The following MICALL2 variants were observed in gnomAD, a reference collection of about 807,000 sequenced individuals.
The protein encoded by MICALL2 is MICAL like 2.
In MICALL2, 111 loss-of-function variants were observed where a neutral mutation model predicts 91.1. The ratio of observed to expected loss-of-function variants is 1.22; its 90% CI spans 1.04 to 1.43. MICALL2 has a LOEUF of 1.43. Among genes scored for constraint, MICALL2 ranks in the 40% most tolerant of loss-of-function variants. The pLI, the probability that MICALL2 is intolerant of heterozygous loss-of-function variation, is 0.00. For missense variants in MICALL2, 1,556 were observed against 1,236.0 expected (o/e 1.26, Z -3.88); for synonymous variants, 694 against 525.3 (o/e 1.32, Z -4.39).
rs375493412 is a variant in MICALL2, at chr7:1,439,635, A to G, written c.1966+290T>C. 8 of 350,840 alleles carry G rather than the reference A, an allele frequency of 2.3e-5. No individual in the cohort carries two copies. The South Asian group carries it at 4.2e-4, about 18-fold the overall frequency. 21.7% of individuals were successfully genotyped at this position (350,840 alleles called of 1,614,324 possible). A position where few individuals can be genotyped will look rare whatever the true frequency, so the allele number is the denominator to read the frequency against. ...ATCACATACATGAACAGACACATGG[A>G]CATGCATCACGTGCACATGCATCAC... On this transcript the variant is annotated intron_variant, in intron 9 of 16. Transcript: ENST00000297508.
intron 4 of MICALL2, among the ~76,000 whole-genome samples, chr7:1,447,282 C>T (rs1780642189): frequency 6.6e-6 from 1 of 152,180 alleles, no homozygotes; most frequent in South Asian, 2.1e-4. Context: ...CAGGGCATAG[C>T]CCAGCAACCC....
rs1432493787 is a variant in MICALL2, at chr7:1,434,610, T to C, written c.2701A>G (p.Ser901Gly). The C allele has an allele frequency of 1.3e-6, 2 of 1,591,404 alleles. No individual in the cohort carries two copies. Among genetic ancestry groups the C allele is most frequent in the Admixed American group, 1.9e-5 (1 of 52,544 alleles). ...CCTACTGGCTACTACTGGGAGGGGC[T>C]GCTTTTGCTTTTTGGTGACCAGATC... The part of the protein sequence containing the change: ...SKIWSPKSKS[S>G]PSQ The change falls in exon 17 of 17, where the codon AGC (serine) becomes GGC (glycine). Residue 901 changes from serine to glycine, a missense_variant. By Grantham distance (56) the Ser-to-Gly change is moderately conservative. Transcript: ENST00000297508.
rs543228425 is a variant in MICALL2, at chr7:1,439,547, C to T, written c.1966+378G>A. On this transcript the variant is annotated intron_variant, in intron 9 of 16. Transcript: ENST00000297508. Reference sequence around the variant, plus strand: ...AACACAGACACATGGACACGCATCACACATGTACACATGCATCACACGCAT... The same window carrying T: ...AACACAGACACATGGACACGCATCATACATGTACACATGCATCACACGCAT... 3.0e-4 allele frequency: 61 copies of T among 202,548 alleles called. No homozygotes were observed. The South Asian group carries it at 8.9e-3, about 30-fold the overall frequency. The allele number at this position is 202,548 out of a possible 1,614,324, so 12.5% of individuals were successfully genotyped here.
At chr7:1,439,815 C>A in intron 9 of MICALL2, 110 bp downstream of exon 9, 1 of 954,406 alleles carries the variant, frequency 1.0e-6, no homozygotes, top group Non-Finnish European at 1.4e-6. Flanking sequence ...ACCGGAGCGC[C>A]TCTCCGCACA....
At chr7:1,457,871 G>T (rs1325663590) in intron 1 of MICALL2, among the ~76,000 whole-genome samples, 1 of 152,262 alleles carries the variant, frequency 6.6e-6, no homozygotes, top group Non-Finnish European at 1.5e-5. Flanking sequence ...CGGGGGTGGG[G>T]TCTCGCCTGC....
Position 1,448,773 on chromosome 7 carries a change from G to A in MICALL2, c.193-12C>T, listed in dbSNP as rs776872193. 1.9e-6 allele frequency: 3 copies of A among 1,612,070 alleles called. No homozygotes were observed. Among genetic ancestry groups the A allele is most frequent in the Non-Finnish European group, 1.7e-6 (2 of 1,179,612 alleles). ...GCCACGCGGAAGGCCTGCGAAAGGT[G>A]GGAGGGGGTCAGCGGGGCAGCTGGG... On this transcript the variant is annotated splice_polypyrimidine_tract_variant and intron_variant, in intron 2 of 16. Coordinates refer to ENST00000297508, the MANE Select transcript of MICALL2 (RefSeq NM_182924.4).
chr7:1,434,798 C>A (rs1779885236), intron 16 of MICALL2, 126 bp from the exon 17 acceptor site: 2 of 1,038,940 alleles, frequency 1.9e-6, no homozygotes, highest in African/African-American at 1.6e-5. Context: ...GGCCTCCGAG[C>A]CTGCAGGAAG....
At chr7:1,438,005 AG>A (rs778691695) in intron 12 of MICALL2, 25 bp from the exon 13 acceptor site, 2 of 1,550,014 alleles carry the variant, frequency 1.3e-6, no homozygotes, top group Non-Finnish European at 1.7e-6. Context: ...CAGCTGGGGC[AG>A]GGGGGCCCGC....
At position 1,452,674 on chromosome 7, in the gene MICALL2, G is replaced by T. The variant is rs1463460810; in HGVS notation, c.144-2386C>A. Among the ~76,000 whole-genome samples the T allele has an allele frequency of 6.6e-6, 1 of 152,128 alleles. No homozygotes were observed. The highest frequency in any genetic ancestry group is 2.4e-5 in the African/African-American group (1 of 41,432). Reference sequence around the variant, plus strand: ...TCCCTGCAGGGCCATCTCACCCCCAGACCCACAGTCAGGCTCTCAGAGCTC... The same window carrying T: ...TCCCTGCAGGGCCATCTCACCCCCATACCCACAGTCAGGCTCTCAGAGCTC... On this transcript the variant is annotated intron_variant, in intron 1 of 16. Coordinates refer to ENST00000297508, the MANE Select transcript of MICALL2 (RefSeq NM_182924.4). This position sits in a 1 kb window ranked among gnomAD's most constrained non-coding sequence, Gnocchi z 6.2.
intron 14 of MICALL2, 198 bp from the exon 15 acceptor site, chr7:1,437,054 T>C: frequency 2.0e-6 from 1 of 502,058 alleles, no homozygotes; most frequent in Non-Finnish European, 3.5e-6. Context: ...TGTGCTGGGA[T>C]CCTTCCCCAT....
intron 15 of MICALL2, among the ~76,000 whole-genome samples, 163 bp from the exon 16 acceptor site, chr7:1,435,310 C>T (rs560169011): frequency 1.3e-5 from 2 of 152,380 alleles, no homozygotes; most frequent in South Asian, 2.1e-4. Context: ...ACCCTGCCCC[C>T]ACCAATGCCA....
In MICALL2 at chr7:1,438,200, G is replaced by A. The variant is rs778203110; in HGVS notation, c.2208C>T (p.Ser736=). 16 of 1,583,286 alleles carry A rather than the reference G, an allele frequency of 1.0e-5. No homozygotes were observed. Among genetic ancestry groups the A allele is most frequent in the Middle Eastern group, 1.7e-4 (1 of 5,990 alleles). The stretch of plus-strand genomic sequence containing the variant: ...GCAGCTGCCTCTGTATCTCCTCCGG[G>A]GAGAGGTAGTCGGGGTGCAGCTGGG... ...SPVRLHPDYL[S]PEEIQRQLQD... The change falls in exon 12 of 17, where the codon TCC becomes TCT. Residue 736 remains serine (S), a synonymous_variant. Transcript: ENST00000297508.
chr7:1,458,856 G>C (rs940488188), intron 1 of MICALL2, among the ~76,000 whole-genome samples: 5 of 152,254 alleles, frequency 3.3e-5, no homozygotes, highest in Non-Finnish European at 7.3e-5. Flanking sequence ...GGCAGTGAGA[G>C]CCTCGGAGGG....
At chr7:1,438,696 C>A in intron 10 of MICALL2, 144 bp downstream of exon 10, 1 of 1,475,268 alleles carries the variant, frequency 6.8e-7, no homozygotes, top group Non-Finnish European at 8.9e-7. Flanking sequence ...GGGCCTGGGG[C>A]ACGGGGCTGG....
intron 6 of MICALL2, 112 bp downstream of exon 6, chr7:1,444,540 C>T (rs1379981596): frequency 5.5e-6 from 6 of 1,096,612 alleles, no homozygotes; most frequent in Non-Finnish European, 6.4e-6. Flanking sequence ...GTGCAGTCCC[C>T]AAGGCCACAC....
In MICALL2 at chr7:1,438,105, G is replaced by T. The variant is rs1212006734; in HGVS notation, c.2303C>A (p.Ala768Asp). The T allele has an allele frequency of 3.2e-6, 5 of 1,565,700 alleles. No homozygotes were observed. The highest frequency in any genetic ancestry group is 4.3e-6 in the Non-Finnish European group (5 of 1,156,268). Reference protein sequence around the residue: ...GVELEKRLRAAEGDDAEDSLM... With the variant: ...GVELEKRLRADEGDDAEDSLM... ...CAGGCCGAGGCGCTCACCTCCCTCGGCCGCCCGCAGTCGCTTCTCCAGCTC... is the reference window on the plus strand; with the variant it reads ...CAGGCCGAGGCGCTCACCTCCCTCGTCCGCCCGCAGTCGCTTCTCCAGCTC... Residue 768 changes from alanine (A) to aspartate (D), a missense_variant, in exon 12 of 17, where the codon GCC becomes GAC. Transcript: ENST00000297508.
rs537082793 is a variant in MICALL2, at chr7:1,456,415, G to A, written c.143+2769C>T. Among the ~76,000 whole-genome samples, 132 of 152,064 alleles carry A rather than the reference G, an allele frequency of 8.7e-4. 2 individuals are homozygous for A. The South Asian group carries it at 0.025, about 29-fold the overall frequency. On this transcript the variant is annotated intron_variant, in intron 1 of 16. Coordinates refer to ENST00000297508, the MANE Select transcript of MICALL2 (RefSeq NM_182924.4). ...AGCCTGGCCAACATGGCAAAACCCC[G>A]TCTCTAGAAAAAATATGAAAATCGG...
intron 16 of MICALL2, 116 bp downstream of exon 16, chr7:1,434,985 G>GCCCCCCCCCCCCCCCCCCCCCCCCCCCC: frequency 7.8e-6 from 2 of 255,664 alleles, no homozygotes; most frequent in Non-Finnish European, 1.5e-5. Context: ...CCCGATACCC[G>GCCCCCCCCCCCCCCCCCCCCCCCCCCCC]CCCCCCCCCC....
In MICALL2 at chr7:1,436,741, C is replaced by T; in HGVS notation, c.2591+1G>A. 6.2e-7 allele frequency: 1 copy of T among 1,601,740 alleles called. No individual in the cohort carries two copies. The highest frequency in any genetic ancestry group is 8.5e-7 in the Non-Finnish European group (1 of 1,175,478). On this transcript the variant is annotated splice_donor_variant, in intron 15 of 16. Coordinates refer to ENST00000297508, the MANE Select transcript of MICALL2 (RefSeq NM_182924.4). LOFTEE classifies it high-confidence loss of function. ...AGGGGCCCCCGGCACCTGCCCCTCA[C>T]CGGAGCCGGTCCTCGTCCAGCGAGT...
Sources: gnomAD v4.1 joint callset for allele counts (sites outside exome capture counted in the v4.1 genomes callset) on GRCh38, gnomAD v4.1.1 for gene constraint, Gnocchi (gnomAD v3.1) non-coding constraint, MANE v1.5 for transcripts, NCBI Gene and HGNC (gene_info 2026-07-23, HGNC 2026-07-21) for gene names.